DNAJC6: variants seen among roughly 807,000 people sequenced by gnomAD.
The protein encoded by DNAJC6 is auxilin.
A neutral mutation model predicts 110.0 loss-of-function variants in DNAJC6; 34 were observed. The observed-to-expected ratio is 0.31, with a 90% confidence interval of 0.24 to 0.41. The LOEUF (loss-of-function observed/expected upper bound fraction) is 0.41, where lower values mean the gene tolerates loss of function less well. DNAJC6 is among the 10% of genes least tolerant of loss of function. The pLI is 1.00. For synonymous variants in DNAJC6, 406 were observed against 437.2 expected (o/e 0.93, Z 0.89); for missense variants, 1,031 against 1,207.8 (o/e 0.85, Z 2.17).
At chr1:65,283,088 T>C (rs943696701) in intron 1 of DNAJC6, among the ~76,000 whole-genome samples, 2 of 152,210 alleles carry the variant, frequency 1.3e-5, no homozygotes, top group Admixed American at 1.3e-4. Context: ...TATACCACCA[T>C]AGTACAATAT....
chr1:65,375,002 G>T (rs1404180636), intron 4 of DNAJC6, among the ~76,000 whole-genome samples: 1 of 142,356 alleles, frequency 7.0e-6, no homozygotes, highest in Non-Finnish European at 1.5e-5. Flanking sequence ...ACGGAGTTTT[G>T]CTGTCACCCA....
intron 1 of DNAJC6, among the ~76,000 whole-genome samples, chr1:65,291,577 T>C (rs1025719445): frequency 5.9e-5 from 9 of 152,122 alleles, no homozygotes; most frequent in Non-Finnish European, 8.8e-5. Flanking sequence ...AAATAAAATG[T>C]GAACTATATC....
At chr1:65,336,526 A>G (rs1043815999) in intron 1 of DNAJC6, among the ~76,000 whole-genome samples, 1 of 152,240 alleles carries the variant, frequency 6.6e-6, no homozygotes, top group Non-Finnish European at 1.5e-5. Context: ...CCAGAAACCC[A>G]TGTCCCCATT....
At chr1:65,353,371 C>A (rs982597208) in intron 1 of DNAJC6, among the ~76,000 whole-genome samples, 2 of 152,034 alleles carry the variant, frequency 1.3e-5, no homozygotes, top group Non-Finnish European at 2.9e-5. Flanking sequence ...TTATTTAGAC[C>A]CCTTTTCCCT....
intron 1 of DNAJC6, among the ~76,000 whole-genome samples, chr1:65,322,293 T>C (rs1461173416): frequency 7.9e-5 from 12 of 152,098 alleles, no homozygotes; most frequent in African/African-American, 2.7e-4. Context: ...ATTCAGAGAG[T>C]AGTATAAAAA....
intron 1 of DNAJC6, among the ~76,000 whole-genome samples, chr1:65,283,458 G>A (rs1195233500): frequency 2.0e-5 from 3 of 152,106 alleles, no homozygotes; most frequent in South Asian, 2.1e-4. Flanking sequence ...CATCCAAGTC[G>A]TTGGATGTAC....
Position 65,408,682 on chromosome 1 carries a change from G to A in DNAJC6, c.2533G>A (p.Gly845Ser). 6.2e-7 allele frequency: 1 copy of A among 1,613,988 alleles called. No homozygotes were observed. The highest frequency in any genetic ancestry group is 8.5e-7 in the Non-Finnish European group (1 of 1,179,926). Residue 845 changes from glycine (G) to serine (S), a missense_variant, in exon 17 of 19, where the codon GGT becomes AGT. By Grantham distance (56) the Gly-to-Ser change is moderately conservative (BLOSUM62 0). Coordinates refer to ENST00000371069, the MANE Select transcript of DNAJC6 (RefSeq NM_001256864.2). ...AGCTGATTTTGAAGACCTACTCTCT[G>A]GTCAAGGTTTCAATGCTCACAAAGA... ...KAADFEDLLS[G>S]QGFNAHKDKK...
chr1:65,313,019 C>T (rs903900697), intron 1 of DNAJC6, among the ~76,000 whole-genome samples: 6 of 151,882 alleles, frequency 4.0e-5, no homozygotes, highest in African/African-American at 1.2e-4. Flanking sequence ...AGGCTGGTCT[C>T]GGACTCCTGG....
chr1:65,368,528 TTCCTTCCCTTC>T lies in DNAJC6; in HGVS notation c.543+2351_543+2361del, dbSNP rs1245854493. On this transcript the variant is annotated intron_variant, in intron 4 of 18. Coordinates refer to ENST00000371069, the MANE Select transcript of DNAJC6 (RefSeq NM_001256864.2). ...CTTCTCTTTCCTTTCTCCTTCCGTTTTCCTTCCCTTCTCCTTCCCTTCTCCTTCCTTCCTTC... is the reference window on the plus strand; with the variant it reads ...CTTCTCTTTCCTTTCTCCTTCCGTTTTCCTTCCCTTCTCCTTCCTTCCTTC... 2.0e-3 allele frequency among the ~76,000 whole-genome samples: 310 copies of T among 151,330 alleles called. 1 individual carries two copies. Among genetic ancestry groups the T allele is most frequent in the African/African-American group, 5.2e-3 (216 of 41,238 alleles).
At chr1:65,387,633 C>G (rs989572932) in intron 8 of DNAJC6, among the ~76,000 whole-genome samples, 5 of 152,186 alleles carry the variant, frequency 3.3e-5, no homozygotes, top group African/African-American at 1.2e-4. Context: ...ACTTCATTAT[C>G]TTATATGGCC....
At chr1:65,343,714 A>C (rs190842025) in intron 1 of DNAJC6, among the ~76,000 whole-genome samples, 36 of 152,148 alleles carry the variant, frequency 2.4e-4, no homozygotes, top group Non-Finnish European at 4.4e-5. Context: ...GCTCCCTTTA[A>C]GTGAAAAGGC....
chr1:65,379,381 C>T, intron 4 of DNAJC6, 21 bp from the exon 5 acceptor site: 1 of 1,613,156 alleles, frequency 6.2e-7, no homozygotes, highest in Non-Finnish European at 8.5e-7. Context: ...GAATTAATTT[C>T]CTTTTGCTGT....
intron 1 of DNAJC6, among the ~76,000 whole-genome samples, chr1:65,347,309 G>C (rs1188330976): frequency 6.6e-6 from 1 of 151,838 alleles, no homozygotes; most frequent in Non-Finnish European, 1.5e-5. Flanking sequence ...ATCTTCTTTG[G>C]TTTCAGTAGA....
intron 1 of DNAJC6, among the ~76,000 whole-genome samples, chr1:65,270,555 A>G (rs1653470320): frequency 6.6e-6 from 1 of 152,210 alleles, no homozygotes; most frequent in Non-Finnish European, 1.5e-5. Flanking sequence ...AGCTGAGTAT[A>G]AATTACCCTC....
At position 65,366,208 on chromosome 1, in the gene DNAJC6, T is replaced by C. The variant is rs1014557373; in HGVS notation, c.543+12T>C. The C allele has an allele frequency of 6.8e-6, 11 of 1,613,232 alleles. No homozygotes were observed. Among genetic ancestry groups the C allele is most frequent in the East Asian group, 2.2e-5 (1 of 44,896 alleles). On this transcript the variant is annotated intron_variant, in intron 4 of 18. Transcript: ENST00000371069. ...AGTTTCACAGCCGGGTAAGGATTTT[T>C]AGCCCTGAGATCATACTGTTGAAGA... is the stretch of plus-strand genomic sequence containing the variant.
At chr1:65,266,452 C>T (rs933522387) in intron 1 of DNAJC6, among the ~76,000 whole-genome samples, 1 of 152,140 alleles carries the variant, frequency 6.6e-6, no homozygotes, top group Non-Finnish European at 1.5e-5. Context: ...CATTCACAGC[C>T]ACGTATTGAT....
intron 1 of DNAJC6, among the ~76,000 whole-genome samples, chr1:65,348,946 G>A (rs1457530144): frequency 2.8e-5 from 4 of 143,930 alleles, no homozygotes; most frequent in Non-Finnish European, 6.0e-5. Context: ...GTGCATGTGT[G>A]TATATATATA....
intron 4 of DNAJC6, among the ~76,000 whole-genome samples, chr1:65,375,257 G>C (rs934365864): frequency 6.6e-6 from 1 of 152,014 alleles, no homozygotes; most frequent in African/African-American, 2.4e-5. Context: ...GAGCTGCCGA[G>C]CCTGGCCTCA....
intron 13 of DNAJC6, among the ~76,000 whole-genome samples, chr1:65,398,087 T>TA (rs1645996539): frequency 1.3e-5 from 2 of 152,238 alleles, no homozygotes; most frequent in South Asian, 4.1e-4. Flanking sequence ...GTAAAAAACT[T>TA]ACTACGCACA....
Sources: allele counts gnomAD v4.1 joint callset (sites outside exome capture counted in the v4.1 genomes callset), GRCh38; gene constraint gnomAD v4.1.1; transcripts MANE v1.5; gene names NCBI Gene and HGNC (gene_info 2026-07-23, HGNC 2026-07-21).